Variants in ASTN2 observed in about 807,000 individuals in gnomAD.
The protein encoded by ASTN2 is astrotactin-2.
A neutral mutation model predicts 139.8 loss-of-function variants in ASTN2; 54 were observed. The ratio of observed to expected loss-of-function variants is 0.39; its 90% confidence interval spans 0.31 to 0.48. ASTN2 has a LOEUF of 0.48. Ranked by LOEUF, ASTN2 falls within the 20% of genes least tolerant of loss-of-function variation. The probability of loss-of-function intolerance (pLI) is 0.95; values close to 1 mark genes in which losing one functional copy is unlikely to be tolerated. For missense variants in ASTN2, 1,565 were observed against 1,725.1 expected (o/e 0.91, Z 1.64); for synonymous variants, 756 against 719.5 (o/e 1.05, Z -0.81).
chr9:117,260,670 T>A (rs942463216), intron 2 of ASTN2, among the ~76,000 whole-genome samples: 14 of 152,144 alleles, frequency 9.2e-5, no homozygotes, highest in African/African-American at 3.4e-4. Flanking sequence ...AGTTATACTG[T>A]GTAGGGAGTG....
chr9:117,180,927 G>A (rs1257921050), intron 3 of ASTN2: 9 of 1,594,362 alleles, frequency 5.6e-6, no homozygotes, highest in East Asian at 2.2e-5. Context: ...TCTGCAGCTT[G>A]GTGTGGATGG....
At chr9:117,033,353 C>T (rs1490150630) in intron 6 of ASTN2, among the ~76,000 whole-genome samples, 3 of 152,138 alleles carry the variant, frequency 2.0e-5, no homozygotes, top group Admixed American at 2.0e-4. Flanking sequence ...ATTATTACTA[C>T]TTCTAACATT....
At chr9:116,643,083 A>G (rs1464818094) in intron 17 of ASTN2, among the ~76,000 whole-genome samples, 1 of 152,172 alleles carries the variant, frequency 6.6e-6, no homozygotes, top group Non-Finnish European at 1.5e-5. Flanking sequence ...TTGTTTTTTA[A>G]TTTGTAAAGT....
chr9:116,429,339 G>GAAAAA (rs34731241), intron 22 of ASTN2, among the ~76,000 whole-genome samples: 24 of 90,834 alleles, frequency 2.6e-4, no homozygotes, highest in East Asian at 1.5e-3. Flanking sequence ...AACTCTATCT[G>GAAAAA]AAAAAAAAAA....
chr9:117,378,106 G>T (rs557413511), intron 1 of ASTN2, among the ~76,000 whole-genome samples: 2 of 152,312 alleles, frequency 1.3e-5, no homozygotes, highest in African/African-American at 4.8e-5. Context: ...ATTTTGAAAA[G>T]TATAAATTAA....
chr9:117,382,243 G>A (rs769695074), intron 1 of ASTN2, among the ~76,000 whole-genome samples: 1 of 152,158 alleles, frequency 6.6e-6, no homozygotes. Context: ...GGGTTGGCAT[G>A]TGTGTGCATG....
chr9:117,090,982 C>G (rs564381795), intron 5 of ASTN2, among the ~76,000 whole-genome samples: 1 of 152,320 alleles, frequency 6.6e-6, no homozygotes, highest in East Asian at 1.9e-4. Flanking sequence ...GCACACAGGA[C>G]AGTCACACTC....
intron 4 of ASTN2, among the ~76,000 whole-genome samples, chr9:117,102,226 C>A (rs1379530059): frequency 6.6e-6 from 1 of 152,138 alleles, no homozygotes; most frequent in Non-Finnish European, 1.5e-5. Flanking sequence ...ATACATGCTA[C>A]AATGTGGATG....
rs1011624213 is a variant in ASTN2, at chr9:116,752,286, A to G, written c.2397-18763T>C. On this transcript the variant is annotated intron_variant, in intron 13 of 22. Transcript: ENST00000313400. Reference sequence around the variant, plus strand: ...TGACAAATGGTGCTGAAACAAATAGACATCCATGTGCCAAGTAAAAAGAAG... The same window carrying G: ...TGACAAATGGTGCTGAAACAAATAGGCATCCATGTGCCAAGTAAAAAGAAG... Among the ~76,000 whole-genome samples the G allele has an allele frequency of 8.1e-4, 123 of 152,290 alleles. 1 individual carries two copies. The highest frequency in any genetic ancestry group is 2.7e-3 in the African/African-American group (114 of 41,580).
chr9:116,510,675 C>T (rs1018224687), intron 19 of ASTN2, among the ~76,000 whole-genome samples: 9 of 152,110 alleles, frequency 5.9e-5, no homozygotes, highest in African/African-American at 1.7e-4. Context: ...TCTTTTATTT[C>T]GTTGAGCAGT....
At chr9:117,098,412 C>T (rs1587960719) in intron 4 of ASTN2, among the ~76,000 whole-genome samples, 2 of 152,158 alleles carry the variant, frequency 1.3e-5, no homozygotes, top group Non-Finnish European at 2.9e-5. Flanking sequence ...CAGTTTAAGG[C>T]TCTGTAAAAT....
chr9:116,869,812 C>A (rs1833109644), intron 10 of ASTN2, among the ~76,000 whole-genome samples: 1 of 152,098 alleles, frequency 6.6e-6, no homozygotes, highest in Non-Finnish European at 1.5e-5. Flanking sequence ...TTTCAATAAA[C>A]CTGTATTAAA....
At chr9:116,712,992 T>C (rs1828209780) in intron 16 of ASTN2, among the ~76,000 whole-genome samples, 1 of 152,130 alleles carries the variant, frequency 6.6e-6, no homozygotes, top group Non-Finnish European at 1.5e-5. Flanking sequence ...ATCCTGTCTC[T>C]GCCTATTAGC....
intron 2 of ASTN2, among the ~76,000 whole-genome samples, chr9:117,278,174 A>T (rs1834239397): frequency 6.6e-6 from 1 of 152,232 alleles, no homozygotes; most frequent in Admixed American, 6.5e-5. Context: ...CATTGAATTA[A>T]TGGAAGAATT....
At chr9:117,111,478 T>C (rs749949469) in intron 4 of ASTN2, among the ~76,000 whole-genome samples, 2 of 149,160 alleles carry the variant, frequency 1.3e-5, no homozygotes, top group Non-Finnish European at 3.0e-5. Flanking sequence ...ATGAAGAAAA[T>C]AATCAATGGC....
rs769767267 is a variant in ASTN2 at position 116,759,343 on chromosome 9, C to G, written c.2397-25820G>C. ...AAAGCAAATAATTTATTGAGGGGCACTGAGCTGTAAACATTTTCTACCTTA... is the reference window on the plus strand; with the variant it reads ...AAAGCAAATAATTTATTGAGGGGCAGTGAGCTGTAAACATTTTCTACCTTA... On this transcript the variant is annotated intron_variant, in intron 13 of 22. Transcript: ENST00000313400. 4.6e-5 allele frequency among the ~76,000 whole-genome samples: 7 copies of G among 152,306 alleles called. No homozygotes were observed. The South Asian group carries it at 1.0e-3, about 23-fold the overall frequency.
intron 3 of ASTN2, among the ~76,000 whole-genome samples, chr9:117,168,439 G>A (rs905853633): frequency 2.6e-5 from 4 of 152,098 alleles, no homozygotes; most frequent in Non-Finnish European, 5.9e-5. Context: ...TGAGGGTTCT[G>A]TACCCTGAGA....
chr9:116,698,588 G>A lies in ASTN2; in HGVS notation c.2806+27183C>T, dbSNP rs375537493. 7 of 1,613,974 alleles carry A rather than the reference G, an allele frequency of 4.3e-6. No individual in the cohort carries two copies. Among genetic ancestry groups the A allele is most frequent in the Admixed American group, 1.7e-5 (1 of 59,996 alleles). ...CCCTGCAAGATGTGGAGCTCCTTAA[G>A]GTAGGTCATGTTGGCCCCCTCCAAA... On this transcript the variant is annotated intron_variant, in intron 16 of 22. Transcript: ENST00000313400. The surrounding 1 kb of genome is among the most constrained non-coding windows in gnomAD (Gnocchi z 4.4).
intron 6 of ASTN2, among the ~76,000 whole-genome samples, chr9:117,022,581 T>C (rs1018508904): frequency 6.6e-6 from 1 of 152,138 alleles, no homozygotes; most frequent in African/African-American, 2.4e-5. Context: ...CGCACTGATT[T>C]TGAAAACTAG....
Sources: allele counts gnomAD v4.1 joint callset (sites outside exome capture counted in the v4.1 genomes callset), GRCh38; gene constraint gnomAD v4.1.1; non-coding constraint Gnocchi (gnomAD v3.1); transcripts MANE v1.5; gene names NCBI Gene and HGNC (gene_info 2026-07-23, HGNC 2026-07-21).